Variants in MCC observed in about 807,000 individuals in gnomAD.
MCC encodes colorectal mutant cancer protein.
A neutral mutation model predicts 116.2 loss-of-function variants in MCC; 90 were observed. The ratio of observed to expected loss-of-function variants is 0.77; its 90% CI spans 0.65 to 0.92. The LOEUF (loss-of-function observed/expected upper bound fraction) is 0.92. Ranked by LOEUF, MCC falls within the 40% of genes least tolerant of loss-of-function variation. The pLI is 0.00. For missense variants in MCC, 1,516 were observed against 1,312.2 expected (o/e 1.16, Z -2.40); for synonymous variants, 578 against 510.5 (o/e 1.13, Z -1.78).
chr5:113,104,373 C>CA lies in MCC; in HGVS notation c.1028-19dup, dbSNP rs771925172. 1 of 1,592,596 alleles carries CA rather than the reference C, an allele frequency of 6.3e-7. No individual in the cohort carries two copies. The highest frequency in any genetic ancestry group is 8.6e-7 in the Non-Finnish European group (1 of 1,167,256). On this transcript the variant is annotated intron_variant, in intron 6 of 18. Coordinates refer to ENST00000408903, the MANE Select transcript of MCC (RefSeq NM_001085377.2). ...GCAGTTGTCTGTGAGTGAATGAAGA[C>CA]AAAATGCGTTACACAGGGCAACAAA... is the stretch of plus-strand genomic sequence containing the variant.
At chr5:113,403,789 A>G (rs1159996895) in intron 1 of MCC, among the ~76,000 whole-genome samples, 1 of 152,206 alleles carries the variant, frequency 6.6e-6, no homozygotes. Context: ...CAGTTAGTGG[A>G]GCGGCTCAAT....
chr5:113,169,752 A>G (rs1317191194), intron 3 of MCC, among the ~76,000 whole-genome samples: 2 of 152,154 alleles, frequency 1.3e-5, no homozygotes, highest in East Asian at 3.8e-4. Context: ...AAAAAAACAG[A>G]AAGCTCTGCA....
intron 11 of MCC, among the ~76,000 whole-genome samples, chr5:113,074,162 G>A (rs796451827): frequency 3.3e-5 from 5 of 152,194 alleles, no homozygotes; most frequent in Non-Finnish European, 5.9e-5. Flanking sequence ...ATACAGCTGG[G>A]TGCCCCTTTG....
chr5:113,132,389 T>A (rs568476636), intron 5 of MCC, among the ~76,000 whole-genome samples: 1 of 80,550 alleles, frequency 1.2e-5, no homozygotes, highest in Non-Finnish European at 3.0e-5. Context: ...TATACATACA[T>A]ATATATATAC....
intron 3 of MCC, among the ~76,000 whole-genome samples, chr5:113,309,033 C>T (rs1444557497): frequency 1.3e-5 from 2 of 152,068 alleles, no homozygotes; most frequent in Non-Finnish European, 2.9e-5. Flanking sequence ...TAAAATGAAG[C>T]CAGAGTCAAA....
intron 1 of MCC, among the ~76,000 whole-genome samples, chr5:113,486,840 T>TA (rs35192466): frequency 0.69 from 100,398 of 145,084 alleles, 34,774 homozygotes; most frequent in East Asian, 0.86. Context: ...AGATTCTGTC[T>TA]AAAAAAAAAA....
chr5:113,371,746 T>C (rs1480857738), intron 2 of MCC, among the ~76,000 whole-genome samples: 1 of 152,244 alleles, frequency 6.6e-6, no homozygotes, highest in Non-Finnish European at 1.5e-5. Context: ...CATTTACTAA[T>C]GCCCTCTCAT....
chr5:113,187,643 T>C (rs930795701), intron 3 of MCC, among the ~76,000 whole-genome samples: 1 of 151,454 alleles, frequency 6.6e-6, no homozygotes, highest in Non-Finnish European at 1.5e-5. Context: ...TAGTCCCAGC[T>C]ACTTGGGAGG....
At chr5:113,265,451 G>A (rs973341467) in intron 3 of MCC, among the ~76,000 whole-genome samples, 1 of 152,262 alleles carries the variant, frequency 6.6e-6, no homozygotes, top group South Asian at 2.1e-4. Flanking sequence ...CACATTTTCA[G>A]TAACTTAGTC....
At chr5:113,032,804 C>G (rs1751048561) in intron 17 of MCC, among the ~76,000 whole-genome samples, 1 of 152,158 alleles carries the variant, frequency 6.6e-6, no homozygotes, top group African/African-American at 2.4e-5. Flanking sequence ...AAGAAGCCAG[C>G]CAAAACAGCA....
At chr5:113,367,647 A>ACTCT (rs1313994737) in intron 2 of MCC, among the ~76,000 whole-genome samples, 1 of 142,712 alleles carries the variant, frequency 7.0e-6, no homozygotes, top group Non-Finnish European at 1.5e-5. Flanking sequence ...GGGAAGAGAG[A>ACTCT]GAGAAAGAGA....
chr5:113,398,755 A>G (rs887749153), intron 1 of MCC, among the ~76,000 whole-genome samples: 1 of 152,232 alleles, frequency 6.6e-6, no homozygotes, highest in Non-Finnish European at 1.5e-5. Flanking sequence ...CATGGGTTCA[A>G]TTGTATCCCA....
intron 1 of MCC, among the ~76,000 whole-genome samples, chr5:113,396,395 C>T (rs1055966746): frequency 1.3e-5 from 2 of 151,894 alleles, no homozygotes; most frequent in Admixed American, 6.6e-5. Context: ...AGTTTGGGAG[C>T]CCAAGGCGGG....
At position 113,161,620 on chromosome 5, in the gene MCC, ATGTGTGTGTGTGTGTGTGTGTGTG is replaced by A. The variant is rs57962617; in HGVS notation, c.628-10222_628-10199del. Among the ~76,000 whole-genome samples, 41 of 148,440 alleles carry A rather than the reference ATGTGTGTGTGTGTGTGTGTGTGTG, an allele frequency of 2.8e-4. No homozygotes were observed. The South Asian group carries it at 6.1e-3, about 22-fold the overall frequency. ...GGAAAGCAAATGGAGGTTTAGATTTATGTGTGTGTGTGTGTGTGTGTGTGTGTGTGTGTGTGTGTGTGTGTGTGT... is the reference window on the plus strand; with the variant it reads ...GGAAAGCAAATGGAGGTTTAGATTTATGTGTGTGTGTGTGTGTGTGTGTGT... On this transcript the variant is annotated intron_variant, in intron 3 of 18. Transcript: ENST00000408903.
chr5:113,114,608 C>G (rs1245526403), intron 6 of MCC, among the ~76,000 whole-genome samples: 1 of 152,164 alleles, frequency 6.6e-6, no homozygotes, highest in African/African-American at 2.4e-5. Context: ...CATAAAAACT[C>G]TGACCCCACT....
At chr5:113,240,934 G>T (rs1764341105) in intron 3 of MCC, among the ~76,000 whole-genome samples, 1 of 152,294 alleles carries the variant, frequency 6.6e-6, no homozygotes, top group South Asian at 2.1e-4. Flanking sequence ...GTCAGGTGAA[G>T]AAGACACCTT....
At chr5:113,072,852 C>G (rs1460602727) in intron 11 of MCC, among the ~76,000 whole-genome samples, 1 of 152,190 alleles carries the variant, frequency 6.6e-6, no homozygotes, top group Non-Finnish European at 1.5e-5. Flanking sequence ...ATCCAGCTGC[C>G]TTCCTGACAT....
At chr5:113,353,173 A>G (rs1768324478) in intron 2 of MCC, among the ~76,000 whole-genome samples, 1 of 152,118 alleles carries the variant, frequency 6.6e-6, no homozygotes, top group Admixed American at 6.5e-5. Flanking sequence ...TGTGCTGGAA[A>G]TGCTGCTCCT....
intron 1 of MCC, among the ~76,000 whole-genome samples, chr5:113,445,654 T>G (rs1771191646): frequency 1.3e-5 from 2 of 152,184 alleles, no homozygotes; most frequent in African/African-American, 4.8e-5. Context: ...ATTGTTAAAA[T>G]GGCCATAAAG....
Sources: allele counts gnomAD v4.1 joint callset (sites outside exome capture counted in the v4.1 genomes callset), GRCh38; gene constraint gnomAD v4.1.1; transcripts MANE v1.5; gene names NCBI Gene and HGNC (gene_info 2026-07-23, HGNC 2026-07-21).